ATP2C2: variants seen among roughly 807,000 people sequenced by gnomAD.
The protein encoded by ATP2C2 is calcium-transporting ATPase type 2C member 2.
ATP2C2 carries 171 observed loss-of-function variants against 110.8 expected under a neutral mutation model. The observed-to-expected ratio is 1.54, with a 90% CI of 1.36 to 1.75. ATP2C2 has a LOEUF of 1.75. Among genes scored for constraint, ATP2C2 ranks in the 40% most tolerant of loss-of-function variants. The probability of loss-of-function intolerance (pLI) is 0.00; values close to 1 mark genes in which losing one functional copy is unlikely to be tolerated. For missense variants in ATP2C2, 1,963 were observed against 1,235.0 expected (o/e 1.59, Z -8.84); for synonymous variants, 804 against 508.4 (o/e 1.58, Z -7.82).
intron 21 of ATP2C2, among the ~76,000 whole-genome samples, chr16:84,455,660 C>G (rs193113870): frequency 1.6e-4 from 24 of 151,786 alleles, no homozygotes; most frequent in Admixed American, 1.3e-4. Context: ...TACAAAAAAT[C>G]CAAATAAACA....
Position 84,398,968 on chromosome 16 carries a change from G to C in ATP2C2, c.210+359G>C, listed in dbSNP as rs896562274. ...TAGAGGTAGCACAGCCCAGCGTGGA[G>C]TCCAGCTGTTTCACATGAAAGCCCA... On this transcript the variant is annotated intron_variant, in intron 2 of 26. Transcript: ENST00000262429. Among the ~76,000 whole-genome samples, 9 of 152,234 alleles carry C rather than the reference G, an allele frequency of 5.9e-5. 1 individual carries two copies. The highest frequency in any genetic ancestry group is 5.2e-4 in the Admixed American group (8 of 15,282).
At chr16:84,425,411 T>TGG (rs1210363620) in intron 10 of ATP2C2, among the ~76,000 whole-genome samples, 1 of 152,092 alleles carries the variant, frequency 6.6e-6, no homozygotes, top group Non-Finnish European at 1.5e-5. Context: ...AAACACCACA[T>TGG]GGGGGGATGT....
rs752728199 is a variant in ATP2C2 at position 84,410,738 on chromosome 16, C to G, written c.488C>G (p.Thr163Ser). ...YRSEKSLEEL[T>S]KLVPPECNCL... ...TCGGAGAAATCTCTGGAAGAGCTGA[C>G]CAAGCTGGTTCCTCCAGAATGTAAC... The change falls in exon 6 of 27, where the codon ACC (threonine) becomes AGC (serine). Residue 163 changes from threonine (T) to serine (S), a missense_variant. Coordinates refer to ENST00000262429, the MANE Select transcript of ATP2C2 (RefSeq NM_014861.4). The G allele has an allele frequency of 1.2e-6, 2 of 1,614,046 alleles. No homozygotes were observed. Among genetic ancestry groups the G allele is most frequent in the East Asian group, 2.2e-5 (1 of 44,902 alleles).
chr16:84,368,834 T>G, intron 1 of ATP2C2, 120 bp downstream of exon 1: 1 of 865,058 alleles, frequency 1.2e-6, no homozygotes. Context: ...CCTCCTCCCC[T>G]GGCTCTGGAA....
At chr16:84,447,446 A>T (rs2150576380) in intron 16 of ATP2C2, among the ~76,000 whole-genome samples, 1 of 151,524 alleles carries the variant, frequency 6.6e-6, no homozygotes, top group South Asian at 2.1e-4. Context: ...CCACCCACCC[A>T]GAGGTAATTC....
rs533301607 is a variant in ATP2C2, at chr16:84,429,304, A to G, written c.986+3503A>G. Among the ~76,000 whole-genome samples the G allele has an allele frequency of 2.0e-5, 3 of 152,218 alleles. No individual in the cohort carries two copies. The East Asian group carries it at 5.8e-4, about 29-fold the overall frequency. On this transcript the variant is annotated intron_variant, in intron 11 of 26. Transcript: ENST00000262429. ...GTAGCTGGGATTATAGGGGCGCACC[A>G]CCACACCCAGCTAATTTTTTAAATT...
chr16:84,430,390 C>T (rs1410274602), intron 11 of ATP2C2, among the ~76,000 whole-genome samples: 5 of 152,112 alleles, frequency 3.3e-5, no homozygotes, highest in Admixed American at 2.6e-4. Flanking sequence ...TCTGTAATCC[C>T]AGCACTTTTG....
intron 1 of ATP2C2, among the ~76,000 whole-genome samples, 170 bp downstream of exon 1, chr16:84,368,884 C>G (rs932656630): frequency 6.6e-6 from 1 of 152,230 alleles, no homozygotes. Flanking sequence ...CATCTGCGCT[C>G]TGGCGCGGGG....
intron 1 of ATP2C2, among the ~76,000 whole-genome samples, chr16:84,377,458 G>C (rs1256987644): frequency 6.6e-6 from 1 of 152,084 alleles, no homozygotes; most frequent in Non-Finnish European, 1.5e-5. Flanking sequence ...CTGGAGGCCA[G>C]AACTCCAAGA....
chr16:84,390,624 A>G (rs1027804401), intron 1 of ATP2C2, among the ~76,000 whole-genome samples: 2 of 152,104 alleles, frequency 1.3e-5, no homozygotes, highest in Non-Finnish European at 2.9e-5. Context: ...CGGAGGCTGG[A>G]AAGGGCGTGG....
intron 1 of ATP2C2, among the ~76,000 whole-genome samples, chr16:84,387,288 C>T (rs898070051): frequency 4.0e-5 from 6 of 151,894 alleles, no homozygotes; most frequent in Admixed American, 1.3e-4. Context: ...TTGGGAGGCC[C>T]AGGCGAGTGG....
intron 24 of ATP2C2, 136 bp from the exon 25 acceptor site, chr16:84,461,578 C>G (rs754293579): frequency 9.0e-6 from 7 of 778,362 alleles, no homozygotes; most frequent in Non-Finnish European, 1.6e-5. Flanking sequence ...CTGGAGGAAG[C>G]TGTGTGACCG....
At chr16:84,452,117 G>C (rs1910338875) in intron 18 of ATP2C2, 26 bp downstream of exon 18, 2 of 1,612,970 alleles carry the variant, frequency 1.2e-6, no homozygotes, top group Non-Finnish European at 1.7e-6. Context: ...TCGGGGGTGA[G>C]GACGAAAGGA....
intron 1 of ATP2C2, among the ~76,000 whole-genome samples, chr16:84,370,913 C>G (rs1909917254): frequency 6.6e-6 from 1 of 152,162 alleles, no homozygotes; most frequent in African/African-American, 2.4e-5. Context: ...AAATTTTACT[C>G]TCGTCATGTG....
chr16:84,459,451 T>G (rs1052893298), intron 23 of ATP2C2, 65 bp downstream of exon 23: 13 of 1,602,890 alleles, frequency 8.1e-6, no homozygotes, highest in African/African-American at 4.0e-5. Flanking sequence ...CTCCAGGGGC[T>G]GCTGGCTGTG....
At chr16:84,408,526 C>T (rs774000240) in intron 4 of ATP2C2, 32 bp downstream of exon 4, 71 of 1,573,128 alleles carry the variant, frequency 4.5e-5, no homozygotes, top group Non-Finnish European at 5.8e-5. Flanking sequence ...GGCTCCCGGG[C>T]GGGCAGCCAC....
At chr16:84,448,012 C>T (rs1178738583) in intron 16 of ATP2C2, among the ~76,000 whole-genome samples, 5 of 151,936 alleles carry the variant, frequency 3.3e-5, no homozygotes, top group African/African-American at 9.7e-5. Flanking sequence ...GACCCAGGGC[C>T]TCCCCCCGTG....
chr16:84,406,773 G>A, intron 3 of ATP2C2: 1 of 419,936 alleles, frequency 2.4e-6, no homozygotes, highest in Non-Finnish European at 3.2e-6. Flanking sequence ...TGAGGGAGGA[G>A]CTCCCCTCTG....
chr16:84,406,147 T>C (rs896738101), intron 3 of ATP2C2, among the ~76,000 whole-genome samples: 1 of 152,214 alleles, frequency 6.6e-6, no homozygotes, highest in African/African-American at 2.4e-5. Flanking sequence ...CCAGAGCCCC[T>C]TCCCTTGCTA....
Sources: gnomAD v4.1 joint callset for allele counts (sites outside exome capture counted in the v4.1 genomes callset) on GRCh38, gnomAD v4.1.1 for gene constraint, MANE v1.5 for transcripts, NCBI Gene and HGNC (gene_info 2026-07-23, HGNC 2026-07-21) for gene names.